Variants in PCCA observed in about 807,000 individuals in gnomAD.
The protein encoded by PCCA is propionyl-CoA carboxylase subunit alpha, also known as propionyl-CoA carboxylase alpha chain, mitochondrial.
Under a neutral mutation model 101.3 loss-of-function variants are expected in PCCA, and 74 were observed. That is an observed-to-expected ratio of 0.73 (90% CI 0.61 to 0.89). PCCA has a LOEUF of 0.89. PCCA is among the 40% of genes least tolerant of loss of function. The probability of loss-of-function intolerance (pLI) is 0.00; values close to 1 mark genes in which losing one functional copy is unlikely to be tolerated. For synonymous variants in PCCA, 294 were observed against 313.6 expected (o/e 0.94, Z 0.66); for missense variants, 891 against 907.0 (o/e 0.98, Z 0.23).
At chr13:100,188,311 AAAC>A (rs1469092938) in intron 6 of PCCA, among the ~76,000 whole-genome samples, 1 of 146,918 alleles carries the variant, frequency 6.8e-6, no homozygotes, top group African/African-American at 2.5e-5. Flanking sequence ...AAACAAAACA[AAAC>A]AAAACAAAAC....
chr13:100,197,648 G>T (rs561330169), intron 6 of PCCA, among the ~76,000 whole-genome samples: 1 of 152,174 alleles, frequency 6.6e-6, no homozygotes, highest in Admixed American at 6.5e-5. Context: ...CACCCTGTTG[G>T]TCAGGCTGTG....
chr13:100,422,113 T>TCTTC (rs1555454154), intron 19 of PCCA, among the ~76,000 whole-genome samples: 4,850 of 131,336 alleles, frequency 0.037, 199 homozygotes, highest in Middle Eastern at 0.087. Context: ...TTTCTTTCTT[T>TCTTC]CTTTCTTTTC....
chr13:100,396,804 T>C (rs1050188388), intron 19 of PCCA, among the ~76,000 whole-genome samples: 1 of 152,210 alleles, frequency 6.6e-6, no homozygotes, highest in Non-Finnish European at 1.5e-5. Context: ...GAAGTAGTTA[T>C]AGAGGTCATC....
At chr13:100,468,690 C>G (rs1276140802) in intron 21 of PCCA, among the ~76,000 whole-genome samples, 1 of 152,082 alleles carries the variant, frequency 6.6e-6, no homozygotes, top group Non-Finnish European at 1.5e-5. Context: ...TAGGCTTTGG[C>G]TTAAGTGAAT....
At position 100,226,373 on chromosome 13, in the gene PCCA, G is replaced by A. The variant is rs1460635478; in HGVS notation, c.601-9469G>A. 2.6e-5 allele frequency among the ~76,000 whole-genome samples: 4 copies of A among 152,114 alleles called. No homozygotes were observed. The East Asian group carries it at 7.7e-4, about 29-fold the overall frequency. On this transcript the variant is annotated intron_variant, in intron 7 of 23. Coordinates refer to ENST00000376285, the MANE Select transcript of PCCA (RefSeq NM_000282.4). ...TCCTAAGTGGCTTTCATATGAATGG[G>A]TAGCAGGATTCTCATCCACAGAATA...
chr13:100,158,322 G>A (rs192124176), intron 6 of PCCA, among the ~76,000 whole-genome samples: 1 of 152,274 alleles, frequency 6.6e-6, no homozygotes, highest in East Asian at 1.9e-4. Context: ...GTTCTTCCAC[G>A]GATTGGAAAT....
chr13:100,134,188 A>G (rs1481160190), intron 4 of PCCA, among the ~76,000 whole-genome samples: 2 of 152,098 alleles, frequency 1.3e-5, no homozygotes, highest in Non-Finnish European at 2.9e-5. Context: ...GACTAATACA[A>G]TTACTTTTGC....
chr13:100,101,055 A>G (rs1446831246), intron 1 of PCCA, among the ~76,000 whole-genome samples: 1 of 152,094 alleles, frequency 6.6e-6, no homozygotes, highest in Non-Finnish European at 1.5e-5. Flanking sequence ...TGCCCGCCTC[A>G]GCCTCCCAAA....
At chr13:100,325,937 A>G (rs768387937) in intron 16 of PCCA, among the ~76,000 whole-genome samples, 67 of 152,224 alleles carry the variant, frequency 4.4e-4, no homozygotes, top group Middle Eastern at 3.4e-3. Flanking sequence ...CCCAAACCCA[A>G]CAAGTCTAAT....
At chr13:100,527,108 T>G (rs1865387654) in intron 22 of PCCA, among the ~76,000 whole-genome samples, 1 of 152,146 alleles carries the variant, frequency 6.6e-6, no homozygotes, top group African/African-American at 2.4e-5. Context: ...GTGGTTTTTT[T>G]TTTTTGGTAA....
chr13:100,157,882 G>C (rs962616481), intron 6 of PCCA, among the ~76,000 whole-genome samples: 1 of 152,062 alleles, frequency 6.6e-6, no homozygotes, highest in East Asian at 1.9e-4. Flanking sequence ...ATTAATGTTT[G>C]TACATATGTT....
At position 100,091,890 on chromosome 13, in the gene PCCA, T is replaced by C. The variant is rs375915506; in HGVS notation, c.105+2665T>C. Among the ~76,000 whole-genome samples, 17 of 152,318 alleles carry C rather than the reference T, an allele frequency of 1.1e-4. 1 individual carries two copies. The South Asian group carries it at 1.7e-3, about 15-fold the overall frequency. On this transcript the variant is annotated intron_variant, in intron 1 of 23. Coordinates refer to ENST00000376285, the MANE Select transcript of PCCA (RefSeq NM_000282.4). ...TTTATGGTAATTGCTATAGTTATTA[T>C]TGAACTCTTATATGCCTTGCATGAT... is the stretch of plus-strand genomic sequence containing the variant.
chr13:100,257,544 C>T (rs774062332), intron 8 of PCCA, 51 bp from the exon 9 acceptor site: 1 of 1,227,416 alleles, frequency 8.1e-7, no homozygotes, highest in South Asian at 1.2e-5. Context: ...CATGTTCATA[C>T]ATCCCAATGA....
intron 19 of PCCA, among the ~76,000 whole-genome samples, chr13:100,412,581 G>A (rs981426954): frequency 6.6e-6 from 1 of 152,244 alleles, no homozygotes; most frequent in Non-Finnish European, 1.5e-5. Flanking sequence ...TAAAAGTAAG[G>A]TCATGGCGGT....
intron 20 of PCCA, among the ~76,000 whole-genome samples, chr13:100,436,618 C>T (rs913878747): frequency 6.6e-6 from 1 of 152,222 alleles, no homozygotes; most frequent in African/African-American, 2.4e-5. Context: ...ACCCTATTCT[C>T]CTGCCTCAGT....
chr13:100,145,853 CTCCG>C (rs2052475290), intron 4 of PCCA, among the ~76,000 whole-genome samples: 1 of 145,896 alleles, frequency 6.9e-6, no homozygotes, highest in Non-Finnish European at 1.5e-5. Context: ...CAGAGTGAGA[CTCCG>C]TCTCAAAAAA....
At chr13:100,336,174 A>G (rs1027002678) in intron 17 of PCCA, among the ~76,000 whole-genome samples, 122 of 152,304 alleles carry the variant, frequency 8.0e-4, no homozygotes, top group African/African-American at 2.8e-3. Context: ...AGGCAGGAGA[A>G]TCACTTGAAC....
At chr13:100,134,610 G>A (rs1246472345) in intron 4 of PCCA, among the ~76,000 whole-genome samples, 2 of 151,764 alleles carry the variant, frequency 1.3e-5, no homozygotes, top group African/African-American at 4.8e-5. Flanking sequence ...AGGCTGGAGT[G>A]CAGTTGTGTG....
intron 2 of PCCA, among the ~76,000 whole-genome samples, chr13:100,107,631 G>A (rs774306327): frequency 2.0e-5 from 3 of 152,144 alleles, no homozygotes; most frequent in Admixed American, 6.5e-5. Flanking sequence ...TGAATACCTG[G>A]ATGTGAACTC....
Sources: gnomAD v4.1 joint callset for allele counts (sites outside exome capture counted in the v4.1 genomes callset) on GRCh38, gnomAD v4.1.1 for gene constraint, MANE v1.5 for transcripts, NCBI Gene and HGNC (gene_info 2026-07-23, HGNC 2026-07-21) for gene names.